TMCC3: variants seen among roughly 807,000 people sequenced by gnomAD.
TMCC3 encodes the protein transmembrane and coiled-coil domain family 3.
Under a neutral mutation model 40.2 loss-of-function variants are expected in TMCC3, and 28 were observed. The ratio of observed to expected loss-of-function variants is 0.70; its 90% CI spans 0.52 to 0.95. The LOEUF (loss-of-function observed/expected upper bound fraction) is 0.95. Ranked by LOEUF, TMCC3 falls within the 40% of genes least tolerant of loss-of-function variation. The probability of loss-of-function intolerance (pLI) is 0.00; values close to 1 mark genes in which losing one functional copy is unlikely to be tolerated. For synonymous variants in TMCC3, 255 were observed against 248.5 expected (o/e 1.03, Z -0.25); for missense variants, 554 against 615.2 (o/e 0.90, Z 1.05).
At position 94,571,347 on chromosome 12, in the gene TMCC3, C is replaced by T. The variant is rs749445637; in HGVS notation, c.*88G>A. On this transcript the variant is annotated 3_prime_UTR_variant, in exon 4 of 4. Transcript: ENST00000261226. ...AGTTTTTCTTACACACGAGTCCGCA[C>T]AATCATTCACTGTAAAATTTGGTAG... The T allele has an allele frequency of 7.3e-7, 1 of 1,378,214 alleles. No individual in the cohort carries two copies. Among genetic ancestry groups the T allele is most frequent in the Non-Finnish European group, 1.0e-6 (1 of 1,001,620 alleles). 85.4% of individuals were successfully genotyped at this position (1,378,214 alleles called of 1,614,324 possible).
intron 1 of TMCC3, among the ~76,000 whole-genome samples, chr12:94,640,741 C>T (rs2068985808): frequency 6.6e-6 from 1 of 152,174 alleles, no homozygotes; most frequent in South Asian, 2.1e-4. Flanking sequence ...CCCAACACCG[C>T]TTCTAATGGC....
chr12:94,579,791 G>A (rs1211237455), intron 2 of TMCC3, among the ~76,000 whole-genome samples: 2 of 152,218 alleles, frequency 1.3e-5, no homozygotes, highest in Non-Finnish European at 2.9e-5. Flanking sequence ...TACAGGTGGT[G>A]ACTGTAACAC....
At chr12:94,634,865 T>C (rs893813235) in intron 1 of TMCC3, among the ~76,000 whole-genome samples, 1 of 152,352 alleles carries the variant, frequency 6.6e-6, no homozygotes, top group Admixed American at 6.5e-5. Flanking sequence ...ACTTGATAAT[T>C]TGCTTAAGTC....
chr12:94,639,743 G>T (rs1594299966), intron 1 of TMCC3, among the ~76,000 whole-genome samples: 2 of 98,624 alleles, frequency 2.0e-5, no homozygotes, highest in African/African-American at 8.2e-5. Context: ...ATTAGAAAAG[G>T]AAGCCAAAAT....
Position 94,581,924 on chromosome 12 carries a change from C to T in TMCC3, c.693G>A (p.Arg231=). 6.2e-7 allele frequency: 1 copy of T among 1,614,232 alleles called. No homozygotes were observed. Among genetic ancestry groups the T allele is most frequent in the South Asian group, 1.1e-5 (1 of 91,082 alleles). Residue 231 remains arginine (R), a synonymous_variant, in exon 2 of 4, where the codon AGG becomes AGA. Coordinates refer to ENST00000261226, the MANE Select transcript of TMCC3 (RefSeq NM_020698.4). The stretch of plus-strand genomic sequence containing the variant: ...CGTAGGCCCTGGCACTCGCCTCTGG[C>T]CTAAACTCCTCTAAGGAATTTTTCA... ...AHLKNSLEEF[R]PEASARAYGG... is the part of the protein sequence containing the mutation.
chr12:94,620,095 G>A (rs1448241997), intron 1 of TMCC3, among the ~76,000 whole-genome samples: 3 of 151,878 alleles, frequency 2.0e-5, no homozygotes, highest in African/African-American at 4.8e-5. Context: ...CCCGGAAGGC[G>A]GAGGTTGCGG....
At chr12:94,625,513 G>A (rs1393137402) in intron 1 of TMCC3, among the ~76,000 whole-genome samples, 1 of 149,064 alleles carries the variant, frequency 6.7e-6, no homozygotes, top group Non-Finnish European at 1.5e-5. Context: ...AGAACGGCTT[G>A]AATCTGGGAG....
intron 1 of TMCC3, among the ~76,000 whole-genome samples, chr12:94,645,044 A>C (rs374236305): frequency 9.2e-5 from 14 of 152,244 alleles, no homozygotes; most frequent in African/African-American, 3.4e-4. Context: ...CGGAACCACA[A>C]GAATAAATGA....
At chr12:94,598,743 C>T (rs748995265) in intron 1 of TMCC3, 10 of 985,256 alleles carry the variant, frequency 1.0e-5, no homozygotes, top group Non-Finnish European at 1.2e-5. Context: ...TCCAAAGATT[C>T]GTGTTTCAGG....
At position 94,567,796 on chromosome 12, in the gene TMCC3, T is replaced by C. The variant is rs1007246083; in HGVS notation, c.*3639A>G. 6.6e-6 allele frequency: 1 copy of C among 152,216 alleles called. No homozygotes were observed. Among genetic ancestry groups the C allele is most frequent in the Non-Finnish European group, 1.5e-5 (1 of 68,046 alleles). 9.4% of individuals were successfully genotyped at this position (152,216 alleles called of 1,614,324 possible). On this transcript the variant is annotated 3_prime_UTR_variant, in exon 4 of 4. Coordinates refer to ENST00000261226, the MANE Select transcript of TMCC3 (RefSeq NM_020698.4). ...ACACATGTTCATATGAATAAATATA[T>C]TTAAATGTTTTTCCAAACCAATACA... is the stretch of plus-strand genomic sequence containing the variant.
chr12:94,613,619 C>T (rs1484005733), intron 1 of TMCC3, among the ~76,000 whole-genome samples: 2 of 151,956 alleles, frequency 1.3e-5, no homozygotes, highest in Non-Finnish European at 2.9e-5. Context: ...ATAGTTAAAC[C>T]TTATGGCAGC....
At chr12:94,593,343 G>A (rs1444411423) in intron 1 of TMCC3, among the ~76,000 whole-genome samples, 1 of 144,826 alleles carries the variant, frequency 6.9e-6, no homozygotes, top group Non-Finnish European at 1.5e-5. Flanking sequence ...TTCAAGCCTG[G>A]ACAACAGGCT....
chr12:94,606,562 CG>C (rs1321390581), intron 1 of TMCC3, among the ~76,000 whole-genome samples: 1 of 151,616 alleles, frequency 6.6e-6, no homozygotes, highest in Non-Finnish European at 1.5e-5. Flanking sequence ...AGATGGGTAT[CG>C]GGGGAACCAG....
intron 1 of TMCC3, among the ~76,000 whole-genome samples, chr12:94,648,220 T>TTTTTTTTA (rs1555286916): frequency 4.0e-5 from 6 of 149,528 alleles, no homozygotes; most frequent in African/African-American, 1.2e-4. Context: ...AGTAGAATTG[T>TTTTTTTTA]TTTATTTATT....
At position 94,592,661 on chromosome 12, in the gene TMCC3, C is replaced by CAAAA. The variant is rs869058316; in HGVS notation, c.79-10127_79-10124dup. Among the ~76,000 whole-genome samples, 57 of 27,492 alleles carry CAAAA rather than the reference C, an allele frequency of 2.1e-3. 5 individuals are homozygous for CAAAA. Among genetic ancestry groups the CAAAA allele is most frequent in the Admixed American group, 5.3e-3 (10 of 1,904 alleles). The allele number at this position is 27,492 out of a possible 152,430, so 18.0% of individuals were successfully genotyped here. On this transcript the variant is annotated intron_variant, in intron 1 of 3. Coordinates refer to ENST00000261226, the MANE Select transcript of TMCC3 (RefSeq NM_020698.4). Reference sequence around the variant, plus strand: ...TGAGCCTGGACAACAGGCTCCATCTCAAAAAAAAAAAAAAAAAAAAAATTC... The same window carrying CAAAA: ...TGAGCCTGGACAACAGGCTCCATCTCAAAAAAAAAAAAAAAAAAAAAAAAAATTC...
chr12:94,571,851 G>A lies in TMCC3; in HGVS notation c.1132-114C>T, dbSNP rs2068531326. 1.6e-5 allele frequency: 17 copies of A among 1,062,932 alleles called. No homozygotes were observed. The South Asian group carries it at 2.7e-4, about 17-fold the overall frequency. 65.8% of individuals were successfully genotyped at this position (1,062,932 alleles called of 1,614,324 possible). On this transcript the variant is annotated intron_variant, in intron 3 of 3. Transcript: ENST00000261226. ...GCTCAGAAAGCCCAATGCCCAGGCGGCTGCAAATCCCCAAACCGATGATGA... is the reference window on the plus strand; with the variant it reads ...GCTCAGAAAGCCCAATGCCCAGGCGACTGCAAATCCCCAAACCGATGATGA...
intron 3 of TMCC3, 127 bp downstream of exon 3, chr12:94,578,267 G>T: frequency 9.3e-7 from 1 of 1,079,670 alleles, no homozygotes; most frequent in Non-Finnish European, 1.3e-6. Context: ...AAATGTTTGT[G>T]CAGAGAAAAC....
At chr12:94,645,757 A>G (rs542835064) in intron 1 of TMCC3, among the ~76,000 whole-genome samples, 89 of 152,230 alleles carry the variant, frequency 5.8e-4, no homozygotes, top group African/African-American at 1.6e-3. Context: ...TTTGTATTAT[A>G]CTTACTGGTT....
At chr12:94,585,840 C>T (rs2068635453) in intron 1 of TMCC3, among the ~76,000 whole-genome samples, 1 of 152,232 alleles carries the variant, frequency 6.6e-6, no homozygotes, top group Non-Finnish European at 1.5e-5. Flanking sequence ...TTGATCACCA[C>T]CCATGCACTT....
Sources: allele counts gnomAD v4.1 joint callset (sites outside exome capture counted in the v4.1 genomes callset), GRCh38; gene constraint gnomAD v4.1.1; transcripts MANE v1.5; gene names NCBI Gene and HGNC (gene_info 2026-07-23, HGNC 2026-07-21).